Variants in HSD17B12 observed in about 807,000 individuals in gnomAD.
HSD17B12 encodes the protein hydroxysteroid 17-beta dehydrogenase 12, also known as very-long-chain 3-oxoacyl-CoA reductase.
A neutral mutation model predicts 39.3 loss-of-function variants in HSD17B12; 32 were observed. The observed-to-expected ratio is 0.81, with a 90% CI of 0.61 to 1.09. The LOEUF (loss-of-function observed/expected upper bound fraction) is 1.09. Among genes scored for constraint, HSD17B12 ranks in the 50% least tolerant of loss-of-function variants. The pLI, the probability that HSD17B12 is intolerant of heterozygous loss-of-function variation, is 0.00. For missense variants in HSD17B12, 342 were observed against 382.9 expected (o/e 0.89, Z 0.89); for synonymous variants, 150 against 146.7 (o/e 1.02, Z -0.16).
chr11:43,745,875 GT>G (rs1286621152), intron 1 of HSD17B12, among the ~76,000 whole-genome samples: 6 of 152,074 alleles, frequency 3.9e-5, no homozygotes, highest in African/African-American at 7.2e-5. Flanking sequence ...GGTTGGTCAG[GT>G]ATGGTAGCAT....
chr11:43,747,167 C>T (rs896747683), intron 1 of HSD17B12, among the ~76,000 whole-genome samples: 6 of 152,158 alleles, frequency 3.9e-5, no homozygotes, highest in Admixed American at 3.9e-4. Flanking sequence ...AAACACTTAC[C>T]AAATGTCTAC....
At chr11:43,559,370 TAA>T in the HSD17B12 span, among the ~76,000 whole-genome samples, 1 of 152,136 alleles carries the variant, frequency 6.6e-6, no homozygotes, top group Non-Finnish European at 1.5e-5. Context: ...GAATAGCACC[TAA>T]AAAGTATTTC....
In HSD17B12 at chr11:43,701,375, G is replaced by T. The variant is rs546331909; in HGVS notation, c.160+20388G>T. Among the ~76,000 whole-genome samples the T allele has an allele frequency of 2.5e-4, 38 of 152,196 alleles. No individual in the cohort carries two copies. The South Asian group carries it at 3.1e-3, about 12-fold the overall frequency. On this transcript the variant is annotated intron_variant, in intron 1 of 10. Coordinates refer to ENST00000278353, the MANE Select transcript of HSD17B12 (RefSeq NM_016142.3). ...TTGTCCATTTTTGCTTTAGTTGCCT[G>T]TGCTTGTAGGGTATTGCTCAAGAAC...
chr11:43,620,016 A>G, the HSD17B12 span, among the ~76,000 whole-genome samples: 6 of 152,342 alleles, frequency 3.9e-5, no homozygotes, highest in African/African-American at 1.2e-4. Context: ...GTGTTTGATC[A>G]GTATAAAGGT....
intron 3 of HSD17B12, among the ~76,000 whole-genome samples, chr11:43,781,483 A>C (rs1259517864): frequency 1.3e-5 from 2 of 152,216 alleles, no homozygotes; most frequent in African/African-American, 4.8e-5. Context: ...TTCTGTTTGT[A>C]GATAACATGT....
At chr11:43,854,954 A>C (rs1489396601) in intron 10 of HSD17B12, 90 bp downstream of exon 10, 3 of 1,317,398 alleles carry the variant, frequency 2.3e-6, no homozygotes, top group Non-Finnish European at 3.2e-6. Flanking sequence ...ATAGATTAGC[A>C]CATATACATT....
the HSD17B12 span, among the ~76,000 whole-genome samples, chr11:43,596,529 C>T: frequency 9.2e-5 from 14 of 152,194 alleles, no homozygotes; most frequent in South Asian, 2.1e-3. Flanking sequence ...ATCTCCTGGG[C>T]TCAAGTGATC....
At chr11:43,738,258 C>T (rs1950334898) in intron 1 of HSD17B12, among the ~76,000 whole-genome samples, 1 of 151,808 alleles carries the variant, frequency 6.6e-6, no homozygotes, top group South Asian at 2.1e-4. Context: ...GCAGGATGTG[C>T]AGGTTTGTTA....
the HSD17B12 span, among the ~76,000 whole-genome samples, chr11:43,595,182 C>G: frequency 5.8e-4 from 89 of 152,244 alleles, no homozygotes; most frequent in Non-Finnish European, 1.2e-3. Context: ...ATGTATCCTT[C>G]AGATCTGAGG....
At chr11:43,816,088 T>C (rs962355995) in intron 5 of HSD17B12, among the ~76,000 whole-genome samples, 6 of 152,242 alleles carry the variant, frequency 3.9e-5, no homozygotes, top group African/African-American at 1.4e-4. Context: ...TTAGATTTAA[T>C]GTGTCTTTTT....
chr11:43,703,712 C>A (rs1590674375), intron 1 of HSD17B12, among the ~76,000 whole-genome samples: 1 of 152,042 alleles, frequency 6.6e-6, no homozygotes, highest in Non-Finnish European at 1.5e-5. Flanking sequence ...CATATAGTTA[C>A]TCATAGTAGC....
intron 2 of HSD17B12, among the ~76,000 whole-genome samples, chr11:43,752,465 G>A (rs535910262): frequency 1.3e-5 from 2 of 152,282 alleles, no homozygotes; most frequent in East Asian, 3.9e-4. Flanking sequence ...TTTAATCCCA[G>A]CACTTTGGGA....
intron 1 of HSD17B12, among the ~76,000 whole-genome samples, chr11:43,725,597 A>G (rs902693473): frequency 3.3e-5 from 5 of 152,212 alleles, no homozygotes; most frequent in South Asian, 2.1e-4. Flanking sequence ...TCAATAATCT[A>G]TATGCCAGCT....
chr11:43,562,160 ATAAG>A, the HSD17B12 span, among the ~76,000 whole-genome samples: 1 of 152,250 alleles, frequency 6.6e-6, no homozygotes, highest in African/African-American at 2.4e-5. Flanking sequence ...AGCACTCTAG[ATAAG>A]TAAGTGATAC....
chr11:43,840,988 G>T (rs111934283), intron 9 of HSD17B12, among the ~76,000 whole-genome samples: 5 of 152,210 alleles, frequency 3.3e-5, no homozygotes, highest in African/African-American at 1.2e-4. Context: ...ACTTCCACTG[G>T]CAGTGTGCAG....
chr11:43,827,300 A>G (rs894027851), intron 6 of HSD17B12, among the ~76,000 whole-genome samples: 7 of 152,282 alleles, frequency 4.6e-5, no homozygotes, highest in Admixed American at 3.9e-4. Flanking sequence ...ACATTATGCA[A>G]TCATGTTTTC....
At chr11:43,693,083 G>C (rs1407469691) in intron 1 of HSD17B12, among the ~76,000 whole-genome samples, 4 of 152,188 alleles carry the variant, frequency 2.6e-5, no homozygotes, top group Non-Finnish European at 5.9e-5. Flanking sequence ...TCAATTATTA[G>C]GGAAATACAT....
chr11:43,653,923 T>C, the HSD17B12 span, among the ~76,000 whole-genome samples: 1 of 152,156 alleles, frequency 6.6e-6, no homozygotes, highest in Non-Finnish European at 1.5e-5. Flanking sequence ...AATGGGATGG[T>C]TGGGTCAAAT....
chr11:43,734,610 C>G (rs1950299786), intron 1 of HSD17B12: 2 of 383,258 alleles, frequency 5.2e-6, no homozygotes, highest in Non-Finnish European at 1.0e-5. Context: ...CTGGCCACAG[C>G]CCCGATGATT....
Sources: allele counts gnomAD v4.1 joint callset (sites outside exome capture counted in the v4.1 genomes callset), GRCh38; gene constraint gnomAD v4.1.1; transcripts MANE v1.5; gene names NCBI Gene and HGNC (gene_info 2026-07-23, HGNC 2026-07-21).